PRKACB: variants seen among roughly 807,000 people sequenced by gnomAD.
PRKACB encodes the protein cAMP-dependent protein kinase catalytic subunit beta.
PRKACB carries 16 observed loss-of-function variants against 51.4 expected under a neutral mutation model. The observed-to-expected ratio is 0.31, with a 90% CI of 0.21 to 0.47. The LOEUF (loss-of-function observed/expected upper bound fraction) is 0.47. Among genes scored for constraint, PRKACB ranks in the 20% least tolerant of loss-of-function variants. PRKACB has a pLI of 1.00. For synonymous variants in PRKACB, 147 were observed against 154.4 expected (o/e 0.95, Z 0.35); for missense variants, 309 against 464.5 (o/e 0.67, Z 3.08).
intron 1 of PRKACB, chr1:84,086,026 G>A (rs1043355647): frequency 7.2e-6 from 6 of 832,908 alleles, no homozygotes; most frequent in South Asian, 6.9e-5. Context: ...TCCTGGGGCT[G>A]AGGTTAGAGA....
chr1:84,154,099 AT>A (rs1425823237), intron 1 of PRKACB, among the ~76,000 whole-genome samples: 2 of 151,928 alleles, frequency 1.3e-5, no homozygotes, highest in Non-Finnish European at 2.9e-5. Flanking sequence ...TGTGATTTTA[AT>A]TTTCATTACC....
At chr1:84,181,283 A>G (rs1286685719) in intron 2 of PRKACB, among the ~76,000 whole-genome samples, 4 of 152,004 alleles carry the variant, frequency 2.6e-5, no homozygotes, top group Non-Finnish European at 5.9e-5. Context: ...AACACTACAT[A>G]CTGGGCCTTC....
chr1:84,210,962 G>T lies in PRKACB; in HGVS notation c.907-3191G>T, dbSNP rs182335029. Among the ~76,000 whole-genome samples the T allele has an allele frequency of 5.7e-3, 875 of 152,230 alleles. 4 individuals carry two copies. Among genetic ancestry groups the T allele is most frequent in the Non-Finnish European group, 8.2e-3 (561 of 68,006 alleles). Reference sequence around the variant, plus strand: ...CTCCCCCAAAATACTTTAAATATGTGATGGATTCCCATTATTAACATGAAC... The same window carrying T: ...CTCCCCCAAAATACTTTAAATATGTTATGGATTCCCATTATTAACATGAAC... On this transcript the variant is annotated intron_variant, in intron 8 of 9. Coordinates refer to ENST00000370685, the MANE Select transcript of PRKACB (RefSeq NM_182948.4).
At chr1:84,193,983 G>A (rs768796366) in intron 5 of PRKACB, among the ~76,000 whole-genome samples, 3 of 152,062 alleles carry the variant, frequency 2.0e-5, no homozygotes, top group Non-Finnish European at 4.4e-5. Context: ...ATTACCCGAG[G>A]CCTAAGCCAA....
intron 1 of PRKACB, among the ~76,000 whole-genome samples, chr1:84,114,750 A>G (rs1171289530): frequency 6.6e-6 from 1 of 152,108 alleles, no homozygotes; most frequent in Non-Finnish European, 1.5e-5. Context: ...TCATGGGATC[A>G]AATATTTTAG....
chr1:84,201,309 T>G (rs528950209), intron 7 of PRKACB, among the ~76,000 whole-genome samples: 1 of 152,278 alleles, frequency 6.6e-6, no homozygotes, highest in Non-Finnish European at 1.5e-5. Context: ...TTCAAATGGT[T>G]AATAGCCATT....
At chr1:84,170,872 A>C (rs931992822) in intron 1 of PRKACB, among the ~76,000 whole-genome samples, 1 of 151,708 alleles carries the variant, frequency 6.6e-6, no homozygotes, top group Non-Finnish European at 1.5e-5. Context: ...AATTTTATAG[A>C]TATAGATAGA....
intron 1 of PRKACB, among the ~76,000 whole-genome samples, chr1:84,107,787 C>A (rs1571606582): frequency 6.6e-6 from 1 of 151,882 alleles, no homozygotes; most frequent in African/African-American, 2.4e-5. Context: ...CCACAAGATA[C>A]CATCTCACAC....
intron 9 of PRKACB, among the ~76,000 whole-genome samples, chr1:84,218,414 T>C (rs1673184504): frequency 1.3e-5 from 2 of 152,226 alleles, no homozygotes; most frequent in Non-Finnish European, 1.5e-5. Context: ...ACATGTGATA[T>C]TGTCTTTCTG....
intron 9 of PRKACB, among the ~76,000 whole-genome samples, chr1:84,228,576 C>T (rs1308568479): frequency 6.6e-6 from 1 of 151,160 alleles, no homozygotes; most frequent in Admixed American, 6.6e-5. Context: ...CACATTTAAT[C>T]TTTATAGAAG....
intron 1 of PRKACB, among the ~76,000 whole-genome samples, chr1:84,169,913 GA>G (rs1158923844): frequency 9.9e-5 from 15 of 151,332 alleles, no homozygotes; most frequent in Admixed American, 9.3e-4. Context: ...GTCCTATAAA[GA>G]AAAAAATGCA....
intron 1 of PRKACB, among the ~76,000 whole-genome samples, chr1:84,087,562 A>T (rs1648113460): frequency 6.6e-6 from 1 of 152,022 alleles, no homozygotes; most frequent in South Asian, 2.1e-4. Flanking sequence ...ATAATTTTTT[A>T]TTTTTATTTA....
chr1:84,191,321 T>A (rs1666733375), intron 5 of PRKACB, among the ~76,000 whole-genome samples: 1 of 152,080 alleles, frequency 6.6e-6, no homozygotes, highest in Non-Finnish European at 1.5e-5. Context: ...AGATGGAATT[T>A]TTTTTCTTTG....
chr1:84,079,610 C>G (rs1557891478), intron 1 of PRKACB, among the ~76,000 whole-genome samples: 3 of 152,108 alleles, frequency 2.0e-5, no homozygotes, highest in Admixed American at 6.5e-5. Flanking sequence ...GCCAAGAACA[C>G]ACAGCATGTT....
At chr1:84,159,552 TAA>T (rs1393835577) in intron 1 of PRKACB, among the ~76,000 whole-genome samples, 1 of 152,124 alleles carries the variant, frequency 6.6e-6, no homozygotes, top group African/African-American at 2.4e-5. Context: ...CATCTGCAAA[TAA>T]AGACAGTTTT....
At chr1:84,078,797 C>A (rs1233357641) in intron 1 of PRKACB, among the ~76,000 whole-genome samples, 1 of 152,170 alleles carries the variant, frequency 6.6e-6, no homozygotes. Context: ...TGGGTCCGAC[C>A]CAACCTTATC....
intron 1 of PRKACB, among the ~76,000 whole-genome samples, chr1:84,137,592 A>G (rs1652955291): frequency 6.6e-6 from 1 of 152,246 alleles, no homozygotes; most frequent in African/African-American, 2.4e-5. Flanking sequence ...CAAATGTATG[A>G]AACAACCTAC....
chr1:84,164,840 G>A, intron 1 of PRKACB: 1 of 1,384,716 alleles, frequency 7.2e-7, no homozygotes. Flanking sequence ...GCTTCTAGGG[G>A]CTTCTCTTTT....
chr1:84,177,794 C>G (rs1288645387), intron 1 of PRKACB, among the ~76,000 whole-genome samples: 3 of 151,838 alleles, frequency 2.0e-5, no homozygotes, highest in African/African-American at 4.8e-5. Flanking sequence ...CACCCTTAAT[C>G]CACCCCTCAG....
Sources: gnomAD v4.1 joint callset for allele counts (sites outside exome capture counted in the v4.1 genomes callset) on GRCh38, gnomAD v4.1.1 for gene constraint, MANE v1.5 for transcripts, NCBI Gene and HGNC (gene_info 2026-07-23, HGNC 2026-07-21) for gene names.